The following ZNF695 variants were observed in gnomAD, a reference collection of about 807,000 sequenced individuals.
The protein encoded by ZNF695 is zinc finger protein 695.
A neutral mutation model predicts 11.2 loss-of-function variants in ZNF695; 11 were observed. The observed-to-expected ratio is 0.98, with a 90% CI of 0.62 to 1.62. ZNF695 has a LOEUF of 1.62. Among genes scored for constraint, ZNF695 ranks in the 40% most tolerant of loss-of-function variants. The pLI is 0.00. For synonymous variants in ZNF695, 190 were observed against 201.4 expected, an observed-to-expected ratio of 0.94 and a Z score of 0.48; for missense variants, 559 against 590.5, an observed-to-expected ratio of 0.95 and a Z score of 0.55.
At chr1:247,001,401 T>TA (rs879583817) in intron 1 of ZNF695, among the ~76,000 whole-genome samples, 206 of 141,170 alleles carry the variant, frequency 1.5e-3, no homozygotes, top group Middle Eastern at 0.014. Flanking sequence ...GTCTCTGTTT[T>TA]AAAAAAAAAA....
At chr1:246,983,713 C>T (rs1668770337), downstream of ZNF695, among the ~76,000 whole-genome samples, 1 of 151,942 alleles carries the variant, frequency 6.6e-6, no homozygotes, top group Admixed American at 6.6e-5. Flanking sequence ...AGCTACTTGG[C>T]AGACCAAGGC....
rs955879969 is a variant in ZNF695 at position 246,986,671 on chromosome 1, C to T, written c.*296G>A. 2.7e-6 allele frequency: 3 copies of T among 1,095,758 alleles called. No individual in the cohort carries two copies. In the Admixed American group the frequency reaches 1.4e-4, roughly 51 times the overall value. The allele number at this position is 1,095,758 out of a possible 1,614,324, so 67.9% of individuals were successfully genotyped here. A position where few individuals can be genotyped will look rare whatever the true frequency, so the allele number is the denominator to read the frequency against. ...TGCATTTATTACATTTGTAGGGTTT[C>T]TCTCCAATACAAAGTCTTTGAAATT... On this transcript the variant is annotated 3_prime_UTR_variant, in exon 4 of 4. Coordinates refer to ENST00000339986, the MANE Select transcript of ZNF695 (RefSeq NM_020394.5).
intron 5 of ZNF695, among the ~76,000 whole-genome samples, chr1:246,964,432 A>G (rs1250218525): frequency 6.6e-6 from 1 of 152,218 alleles, no homozygotes; most frequent in East Asian, 1.9e-4. Context: ...AGGAACCAAG[A>G]TCAAAGACCA....
intron 2 of ZNF695, 94 bp downstream of exon 2, chr1:246,999,818 C>A: frequency 7.6e-7 from 1 of 1,313,614 alleles, no homozygotes; most frequent in South Asian, 1.4e-5. Context: ...AAGAAATCCC[C>A]AAGGTTTTCT....
chr1:246,960,875 G>A (rs1668146022), intron 5 of ZNF695, among the ~76,000 whole-genome samples: 1 of 152,094 alleles, frequency 6.6e-6, no homozygotes, highest in South Asian at 2.1e-4. Flanking sequence ...TTGAGATCAC[G>A]CCACTGCACT....
chr1:246,976,512 T>G lies in ZNF695; in HGVS notation c.391-8720A>C, dbSNP rs189912272. On this transcript the variant is annotated intron_variant, in intron 4 of 5. Transcript: ENST00000487338. ...ACATGACAAAAGGAGTAAATTACAC[T>G]GGCCGGGCGCGGTGGCTCACACCTG... Among the ~76,000 whole-genome samples, 363 of 152,172 alleles carry G rather than the reference T, an allele frequency of 2.4e-3. 4 individuals are homozygous for G. The highest frequency in any genetic ancestry group is 8.5e-3 in the African/African-American group (352 of 41,506).
chr1:246,980,446 T>C (rs1243787487), downstream of ZNF695, among the ~76,000 whole-genome samples: 1 of 150,708 alleles, frequency 6.6e-6, no homozygotes, highest in African/African-American at 2.4e-5. Context: ...AGACAGACTC[T>C]TACTCTGTCG....
chr1:246,996,826 C>T (rs1471545225), intron 3 of ZNF695, among the ~76,000 whole-genome samples: 1 of 152,036 alleles, frequency 6.6e-6, no homozygotes, highest in Non-Finnish European at 1.5e-5. Flanking sequence ...TGAAACAGAT[C>T]CTTAAAAAAT....
chr1:246,974,234 A>G (rs1668503587), intron 4 of ZNF695, among the ~76,000 whole-genome samples: 1 of 152,220 alleles, frequency 6.6e-6, no homozygotes, highest in Non-Finnish European at 1.5e-5. Flanking sequence ...GCTTGTGAGG[A>G]AAGAGTCTGA....
At chr1:246,964,728 G>A (rs1402004484) in intron 5 of ZNF695, among the ~76,000 whole-genome samples, 3 of 152,092 alleles carry the variant, frequency 2.0e-5, no homozygotes, top group South Asian at 2.1e-4. Flanking sequence ...AAAATTATCC[G>A]GGCATGGTGG....
At chr1:246,996,351 G>A (rs569835901) in intron 3 of ZNF695, among the ~76,000 whole-genome samples, 7 of 152,102 alleles carry the variant, frequency 4.6e-5, no homozygotes, top group East Asian at 1.9e-4. Context: ...GAGACTCCTC[G>A]CAACAAAATT....
intron 5 of ZNF695, among the ~76,000 whole-genome samples, chr1:246,958,337 C>T (rs976427466): frequency 1.3e-5 from 2 of 152,084 alleles, no homozygotes; most frequent in African/African-American, 4.8e-5. Context: ...GGATTACAGG[C>T]GTGAGCCACT....
intron 5 of ZNF695, among the ~76,000 whole-genome samples, chr1:246,959,310 A>AATATATATATATATATAT (rs1158852538): frequency 5.9e-5 from 3 of 51,250 alleles, no homozygotes; most frequent in African/African-American, 1.8e-4. Context: ...AAAAAAAAAA[A>AATATATATATATATATAT]ATATATATAT....
intron 5 of ZNF695, among the ~76,000 whole-genome samples, chr1:246,953,477 G>A (rs1667916269): frequency 6.6e-6 from 1 of 152,112 alleles, no homozygotes; most frequent in African/African-American, 2.4e-5. Flanking sequence ...CAGGCGTGGT[G>A]GCACACGCCT....
At chr1:246,972,953 T>TATA (rs1668466313) in intron 4 of ZNF695, among the ~76,000 whole-genome samples, 2 of 143,336 alleles carry the variant, frequency 1.4e-5, no homozygotes, top group African/African-American at 2.5e-5. Flanking sequence ...ATATATATAC[T>TATA]ATATAAATTC....
intron 5 of ZNF695, among the ~76,000 whole-genome samples, chr1:246,965,185 G>A (rs1000721280): frequency 1.8e-4 from 27 of 151,894 alleles, no homozygotes; most frequent in East Asian, 1.6e-3. Context: ...GGCTAACCCC[G>A]TCTCTACTAA....
At chr1:246,948,558 A>G (rs1779960) in intron 5 of ZNF695, among the ~76,000 whole-genome samples, 74,469 of 151,622 alleles carry the variant, frequency 0.49, 18,450 homozygotes, top group Admixed American at 0.57. Flanking sequence ...CAGTACCTTG[A>G]TTTACATTCT....
intron 4 of ZNF695, among the ~76,000 whole-genome samples, chr1:246,979,554 C>G (rs1253170429): frequency 6.6e-6 from 1 of 152,160 alleles, no homozygotes; most frequent in Non-Finnish European, 1.5e-5. Context: ...TGAAAATTAT[C>G]TTTTAATTGA....
intron 3 of ZNF695, among the ~76,000 whole-genome samples, chr1:246,988,983 A>T (rs1668941357): frequency 6.6e-6 from 1 of 151,834 alleles, no homozygotes; most frequent in Non-Finnish European, 1.5e-5. Flanking sequence ...AGTCCCACCT[A>T]CTCAGGAGGC....
Sources: gnomAD v4.1 joint callset for allele counts (sites outside exome capture counted in the v4.1 genomes callset) on GRCh38, gnomAD v4.1.1 for gene constraint, MANE v1.5 for transcripts, NCBI Gene and HGNC (gene_info 2026-07-23, HGNC 2026-07-21) for gene names.